SETD5: variants seen among roughly 807,000 people sequenced by gnomAD.
SETD5 encodes SET domain containing 5.
In SETD5, 44 loss-of-function variants were observed where a neutral mutation model predicts 153.3. That is an observed-to-expected ratio of 0.29 (90% CI 0.23 to 0.37). SETD5 has a LOEUF of 0.37. SETD5 is among the 10% of genes least tolerant of loss of function. The pLI is 1.00. For synonymous variants in SETD5, 716 were observed against 645.2 expected, an observed-to-expected ratio of 1.11 and a Z score of -1.66; for missense variants, 1,544 against 1,768.0, an observed-to-expected ratio of 0.87 and a Z score of 2.27.
intron 2 of SETD5, chr3:9,426,070 C>T (rs564314937): frequency 8.6e-5 from 13 of 151,984 alleles, no homozygotes; most frequent in African/African-American, 3.1e-4. Context: ...GATGAGTGTT[C>T]TTGTTTTATC....
intron 16 of SETD5, among the ~76,000 whole-genome samples, chr3:9,451,313 A>G (rs566147997): frequency 3.3e-5 from 5 of 152,330 alleles, no homozygotes; most frequent in East Asian, 1.9e-4. Context: ...CTTTCTTCAC[A>G]TACATTATCT....
At chr3:9,449,772 T>C (rs2042413191) in intron 16 of SETD5, among the ~76,000 whole-genome samples, 1 of 152,194 alleles carries the variant, frequency 6.6e-6, no homozygotes, top group Non-Finnish European at 1.5e-5. Context: ...AGCAGCACAT[T>C]GCAGAAAGTC....
intron 1 of SETD5, among the ~76,000 whole-genome samples, chr3:9,411,808 A>G (rs1026315999): frequency 4.6e-5 from 7 of 152,210 alleles, no homozygotes; most frequent in Non-Finnish European, 8.8e-5. Flanking sequence ...GCTGTAAATA[A>G]CACCTGATTT....
At chr3:9,430,862 A>G (rs1359099045) in intron 3 of SETD5, 1 of 985,322 alleles carries the variant, frequency 1.0e-6, no homozygotes, top group African/African-American at 1.7e-5. Context: ...TGTTAACACC[A>G]ACATATCCTA....
intron 13 of SETD5, among the ~76,000 whole-genome samples, chr3:9,446,148 G>A (rs1245975968): frequency 6.6e-6 from 1 of 151,134 alleles, no homozygotes; most frequent in African/African-American, 2.4e-5. Context: ...TTAGCCGGGC[G>A]CGGTGGCGGG....
At chr3:9,468,955 A>C (rs150973518) in intron 18 of SETD5, among the ~76,000 whole-genome samples, 77 of 152,240 alleles carry the variant, frequency 5.1e-4, no homozygotes, top group Non-Finnish European at 9.1e-4. Flanking sequence ...AGGAAAGTTG[A>C]GTCAAAAGTT....
rs2042133964 is a variant in SETD5, at chr3:9,447,325, T to G, written c.1782+18T>G. The G allele has an allele frequency of 6.3e-7, 1 of 1,598,780 alleles. No homozygotes were observed. The highest frequency in any genetic ancestry group is 1.4e-5 in the African/African-American group (1 of 73,854). On this transcript the variant is annotated intron_variant, in intron 14 of 22. Transcript: ENST00000402198. Reference sequence around the variant, plus strand: ...AAGCAGGGGTAAGAGTTGAAAAGACTTCAGCACTTAGACATCCTCACCTTT... The same window carrying G: ...AAGCAGGGGTAAGAGTTGAAAAGACGTCAGCACTTAGACATCCTCACCTTT...
intron 16 of SETD5, among the ~76,000 whole-genome samples, chr3:9,450,593 A>G (rs1324135601): frequency 6.6e-6 from 1 of 152,180 alleles, no homozygotes. Context: ...AATATCTCCT[A>G]ATATTGGTTA....
At chr3:9,414,607 C>T (rs1195488830) in intron 1 of SETD5, among the ~76,000 whole-genome samples, 1 of 152,030 alleles carries the variant, frequency 6.6e-6, no homozygotes, top group African/African-American at 2.4e-5. Flanking sequence ...AGGTAATGGT[C>T]CTTAAGGACA....
In SETD5 at chr3:9,475,589, C is replaced by A; in HGVS notation, c.3827C>A (p.Thr1276Asn). The A allele has an allele frequency of 6.2e-7, 1 of 1,613,976 alleles. No homozygotes were observed. The highest frequency in any genetic ancestry group is 1.1e-5 in the South Asian group (1 of 91,082). ...PTQSPGYSYR[T>N]TALRPGNPPS... ...CAGTCTCCAGGATACAGTTATCGAA[C>A]TACTGCACTGAGACCTGGAAACCCC... The change falls in exon 23 of 23, where the codon ACT becomes AAT. Residue 1276 changes from threonine (T) to asparagine (N), a missense_variant. By Grantham distance (65) the Thr-to-Asn change is moderately conservative (BLOSUM62 0). This residue lies in a region of SETD5 where 302 missense variants were observed against 277.6 expected (regional missense o/e 1.09). Coordinates refer to ENST00000402198, the MANE Select transcript of SETD5 (RefSeq NM_001080517.3).
In SETD5 at chr3:9,448,485, C is replaced by A; in HGVS notation, c.2201C>A (p.Thr734Lys). 1 of 1,613,982 alleles carries A rather than the reference C, an allele frequency of 6.2e-7. No individual in the cohort carries two copies. Among genetic ancestry groups the A allele is most frequent in the Non-Finnish European group, 8.5e-7 (1 of 1,179,884 alleles). The change falls in exon 16 of 23, where the codon ACG (threonine) becomes AAG (lysine). Residue 734 changes from threonine (T) to lysine (K), a missense_variant. Physicochemically the swap from Thr to Lys is moderately conservative, Grantham distance 78. Around this residue, in one of 9 missense-constraint regions of SETD5, gnomAD observed 782 missense variants for 787.2 expected, o/e 0.99. Coordinates refer to ENST00000402198, the MANE Select transcript of SETD5 (RefSeq NM_001080517.3). ...RITTDPTVLA[T>K]TLNMLPGLIH... is the part of the protein sequence containing the mutation. ...ACAACGGATCCAACTGTACTGGCAACGACCCTAAACATGTTACCAGGTCTT... is the reference window on the plus strand; with the variant it reads ...ACAACGGATCCAACTGTACTGGCAAAGACCCTAAACATGTTACCAGGTCTT...
At chr3:9,400,455 T>G (rs1456929851) in intron 1 of SETD5, among the ~76,000 whole-genome samples, 1 of 152,206 alleles carries the variant, frequency 6.6e-6, no homozygotes, top group Admixed American at 6.5e-5. Context: ...TAGAATCAAT[T>G]CTTATTATTT....
At position 9,397,659 on chromosome 3, in the gene SETD5, C is replaced by A. The variant is rs1273908351; in HGVS notation, c.-495C>A. 5.8e-6 allele frequency: 1 copy of A among 173,360 alleles called. No homozygotes were observed. The highest frequency in any genetic ancestry group is 2.5e-5 in the African/African-American group (1 of 40,276). The allele number at this position is 173,360 out of a possible 1,614,324, so 10.7% of individuals were successfully genotyped here. ...CAGCGGGCTGAGTGAGCTGCCGCCG[C>A]CGCCGCCGCCGCCGCCGCCGCCGCC... On this transcript the variant is annotated 5_prime_UTR_variant, in exon 1 of 23. Coordinates refer to ENST00000402198, the MANE Select transcript of SETD5 (RefSeq NM_001080517.3).
In SETD5 at chr3:9,435,821, C is replaced by T; in HGVS notation, c.482C>T (p.Thr161Ile). The change falls in exon 7 of 23, where the codon ACC (threonine) becomes ATC (isoleucine). Residue 161 changes from threonine (T) to isoleucine (I), a missense_variant. By Grantham distance (89) the Thr-to-Ile change is moderately conservative. Transcript: ENST00000402198. Reference protein sequence around the residue: ...TATQHTPTSITLTVRRTKPKK... With the variant: ...TATQHTPTSIILTVRRTKPKK... The stretch of plus-strand genomic sequence containing the variant: ...ACACAGCACACACCTACAAGCATCA[C>T]CTTAACTGTTAGAAGAACCAAACCC... 6.2e-7 allele frequency: 1 copy of T among 1,602,234 alleles called. No homozygotes were observed. The highest frequency in any genetic ancestry group is 8.5e-7 in the Non-Finnish European group (1 of 1,174,138).
Position 9,428,991 on chromosome 3 carries a change from A to T in SETD5, c.53A>T (p.Asp18Val). 6.2e-7 allele frequency: 1 copy of T among 1,613,030 alleles called. No homozygotes were observed. The highest frequency in any genetic ancestry group is 8.5e-7 in the Non-Finnish European group (1 of 1,179,354). The change falls in exon 3 of 23, where the codon GAT becomes GTT. Residue 18 changes from aspartate (D) to valine (V), a missense_variant. Physicochemically the swap from Asp to Val is radical, Grantham distance 152. Transcript: ENST00000402198. ...GVTTSDTSYS[D>V]MAAGSDPESV... is the part of the protein sequence containing the mutation. Reference sequence around the variant, plus strand: ...ACCACATCAGATACATCCTACTCAGATATGGCTGCTGGATCAGAGTAAGTG... The same window carrying T: ...ACCACATCAGATACATCCTACTCAGTTATGGCTGCTGGATCAGAGTAAGTG...
intron 2 of SETD5, among the ~76,000 whole-genome samples, chr3:9,427,962 A>G (rs1171102185): frequency 6.6e-6 from 1 of 152,164 alleles, no homozygotes; most frequent in East Asian, 1.9e-4. Context: ...ATGTCAAGCT[A>G]TCCTCACCGC....
chr3:9,445,965 G>GGT (rs2041907619), intron 13 of SETD5, among the ~76,000 whole-genome samples: 6 of 86,468 alleles, frequency 6.9e-5, no homozygotes, highest in African/African-American at 2.3e-4. Context: ...TGAAGAGGTT[G>GGT]TTTTTTTTTT....
chr3:9,419,765 T>A (rs1342900137), intron 1 of SETD5, among the ~76,000 whole-genome samples: 1 of 152,174 alleles, frequency 6.6e-6, no homozygotes, highest in Non-Finnish European at 1.5e-5. Flanking sequence ...GTTGGAGAAA[T>A]TTTGCTTAAA....
At chr3:9,457,376 A>G (rs1050092093) in intron 17 of SETD5, among the ~76,000 whole-genome samples, 5 of 152,092 alleles carry the variant, frequency 3.3e-5, no homozygotes, top group East Asian at 3.9e-4. Flanking sequence ...TAGTCCCGCT[A>G]CTCGGGGGGC....
Sources: gnomAD v4.1 joint callset for allele counts (sites outside exome capture counted in the v4.1 genomes callset) on GRCh38, gnomAD v4.1.1 for gene constraint, gnomAD v4.1.1 regional missense constraint, MANE v1.5 for transcripts, NCBI Gene and HGNC (gene_info 2026-07-23, HGNC 2026-07-21) for gene names.